APAF1: variants seen among roughly 807,000 people sequenced by gnomAD.
APAF1 encodes the protein apoptotic protease-activating factor 1.
A neutral mutation model predicts 152.4 loss-of-function variants in APAF1; 91 were observed. The observed-to-expected ratio is 0.60, with a 90% CI of 0.50 to 0.71. The LOEUF (loss-of-function observed/expected upper bound fraction) is 0.71. Ranked by LOEUF, APAF1 falls within the 30% of genes least tolerant of loss-of-function variation. The pLI, the probability that APAF1 is intolerant of heterozygous loss-of-function variation, is 0.00. For synonymous variants in APAF1, 484 were observed against 494.1 expected (o/e 0.98, Z 0.27); for missense variants, 1,283 against 1,472.0 (o/e 0.87, Z 2.10).
chr12:98,693,682 C>T lies in APAF1; in HGVS notation c.2305-5726C>T, dbSNP rs181990799. Among the ~76,000 whole-genome samples the T allele has an allele frequency of 5.2e-3, 785 of 152,090 alleles. 4 individuals carry two copies. Among genetic ancestry groups the T allele is most frequent in the Non-Finnish European group, 8.3e-3 (564 of 68,006 alleles). On this transcript the variant is annotated intron_variant, in intron 16 of 26. Transcript: ENST00000551964. ...AGGTTCTATCTTGCTCCATTCTGGTCGGTAATGGTAATACTATTCCCAGAG... is the reference window on the plus strand; with the variant it reads ...AGGTTCTATCTTGCTCCATTCTGGTTGGTAATGGTAATACTATTCCCAGAG...
chr12:98,648,548 A>T (rs1485637238), intron 2 of APAF1, 51 bp downstream of exon 2: 9 of 1,608,756 alleles, frequency 5.6e-6, no homozygotes, highest in African/African-American at 1.3e-5. Context: ...TTAGAATTTC[A>T]GAACTTGTAC....
chr12:98,671,130 ATT>A, intron 11 of APAF1, 44 bp downstream of exon 11: 1 of 1,158,566 alleles, frequency 8.6e-7, no homozygotes, highest in Non-Finnish European at 1.3e-6. Flanking sequence ...AAGGAATCTC[ATT>A]TTTTTTTACA....
intron 24 of APAF1, 139 bp downstream of exon 24, chr12:98,723,903 A>T: frequency 2.2e-6 from 2 of 898,614 alleles, no homozygotes; most frequent in Middle Eastern, 3.2e-4. Flanking sequence ...GAGGATGCCC[A>T]TTGGCATTTA....
Position 98,658,617 on chromosome 12 carries a change from A to G in APAF1, c.527-543A>G, listed in dbSNP as rs150017979. On this transcript the variant is annotated intron_variant, in intron 4 of 26. Coordinates refer to ENST00000551964, the MANE Select transcript of APAF1 (RefSeq NM_181861.2). Reference sequence around the variant, plus strand: ...TTTAAGTCTGTATAAGAAAACCATAATGGGTGAGTTATATGTTCCAGGACA... The same window carrying G: ...TTTAAGTCTGTATAAGAAAACCATAGTGGGTGAGTTATATGTTCCAGGACA... 2.0e-4 allele frequency among the ~76,000 whole-genome samples: 31 copies of G among 152,294 alleles called. 1 individual carries two copies. Among genetic ancestry groups the G allele is most frequent in the Admixed American group, 1.6e-3 (25 of 15,298 alleles).
chr12:98,679,611 T>C (rs553821159), intron 13 of APAF1, among the ~76,000 whole-genome samples: 1 of 152,320 alleles, frequency 6.6e-6, no homozygotes, highest in African/African-American at 2.4e-5. Flanking sequence ...GCTGCGGCCC[T>C]TCGGGGAGCC....
chr12:98,648,458 A>G lies in APAF1; in HGVS notation c.99A>G (p.Gly33=). 6.2e-7 allele frequency: 1 copy of G among 1,614,042 alleles called. No individual in the cohort carries two copies. The highest frequency in any genetic ancestry group is 8.5e-7 in the Non-Finnish European group (1 of 1,179,956). ...SYIMDHMISD[G]FLTISEEEKV... is the part of the protein sequence containing the mutation. The stretch of plus-strand genomic sequence containing the variant: ...TCATGGATCACATGATTAGTGATGG[A>G]TTTTTAACAATATCAGAAGAGGAAA... The change falls in exon 2 of 27, where the codon GGA becomes GGG. Residue 33 remains glycine (G), a synonymous_variant. Coordinates refer to ENST00000551964, the MANE Select transcript of APAF1 (RefSeq NM_181861.2).
chr12:98,659,402 A>G (rs373313449), intron 5 of APAF1, 59 bp downstream of exon 5: 13 of 1,534,630 alleles, frequency 8.5e-6, no homozygotes, highest in African/African-American at 6.8e-5. Context: ...AGATGTAACT[A>G]CTGACCTCTT....
chr12:98,647,918 T>C lies in APAF1; in HGVS notation c.-41-401T>C, dbSNP rs571504783. On this transcript the variant is annotated intron_variant, in intron 1 of 26. Coordinates refer to ENST00000551964, the MANE Select transcript of APAF1 (RefSeq NM_181861.2). The stretch of plus-strand genomic sequence containing the variant: ...ATTCTTTTTTCTTTTTATTTTTTAC[T>C]CTAGCCTCCCAATGTGCTGGGATTA... 1.5e-4 allele frequency among the ~76,000 whole-genome samples: 23 copies of C among 152,192 alleles called. 1 individual carries two copies. The South Asian group carries it at 4.8e-3, about 32-fold the overall frequency.
intron 16 of APAF1, among the ~76,000 whole-genome samples, chr12:98,696,724 G>C (rs965066048): frequency 2.0e-5 from 3 of 152,068 alleles, no homozygotes; most frequent in African/African-American, 7.3e-5. Flanking sequence ...TTGAACTCCT[G>C]GGCTCAAGTG....
At chr12:98,681,461 C>T (rs1340534490) in intron 14 of APAF1, among the ~76,000 whole-genome samples, 1 of 152,108 alleles carries the variant, frequency 6.6e-6, no homozygotes, top group Non-Finnish European at 1.5e-5. Context: ...AAACTGAAGG[C>T]TTGTGGGGGT....
At chr12:98,655,464 C>T (rs1326790161) in intron 4 of APAF1, among the ~76,000 whole-genome samples, 4 of 151,154 alleles carry the variant, frequency 2.6e-5, no homozygotes, top group Non-Finnish European at 5.9e-5. Flanking sequence ...GGGGGCTGAC[C>T]CCCCCACCTC....
rs769264932 is a variant in APAF1 at position 98,677,408 on chromosome 12, T to A, written c.1794-17T>A. ...TCTCATTTATTTAATTTCTGTTCAT[T>A]TTTTCCCTGTATTTAGAAACAAAAA... On this transcript the variant is annotated splice_polypyrimidine_tract_variant and intron_variant, in intron 12 of 26. Transcript: ENST00000551964. The A allele has an allele frequency of 6.2e-7, 1 of 1,613,430 alleles. No homozygotes were observed. Among genetic ancestry groups the A allele is most frequent in the African/African-American group, 1.3e-5 (1 of 75,038 alleles).
chr12:98,685,108 T>C (rs1307719029), intron 15 of APAF1, among the ~76,000 whole-genome samples: 1 of 152,228 alleles, frequency 6.6e-6, no homozygotes, highest in African/African-American at 2.4e-5. Flanking sequence ...TACTAATCAT[T>C]TCTAAATAAT....
At chr12:98,648,897 A>G (rs1454196177) in intron 3 of APAF1, 82 bp downstream of exon 3, 5 of 1,303,046 alleles carry the variant, frequency 3.8e-6, no homozygotes, top group Middle Eastern at 1.8e-4. Flanking sequence ...TCTTTTGAAG[A>G]GAGTGTGACC....
chr12:98,706,729 C>A, intron 19 of APAF1, 119 bp downstream of exon 19: 1 of 1,140,874 alleles, frequency 8.8e-7, no homozygotes, highest in Non-Finnish European at 1.3e-6. Context: ...GTACTATATT[C>A]CTATTCACCC....
At chr12:98,718,439 T>C (rs1329115675) in intron 22 of APAF1, among the ~76,000 whole-genome samples, 1 of 152,074 alleles carries the variant, frequency 6.6e-6, no homozygotes, top group African/African-American at 2.4e-5. Flanking sequence ...TTCACGATGT[T>C]GGCCAGGCTG....
chr12:98,682,342 C>T (rs981816639), intron 14 of APAF1, among the ~76,000 whole-genome samples: 9 of 152,132 alleles, frequency 5.9e-5, no homozygotes, highest in Admixed American at 5.2e-4. Context: ...CGTGAGCCAC[C>T]GCGCCCGGCC....
intron 16 of APAF1, among the ~76,000 whole-genome samples, chr12:98,696,450 G>A (rs1240531327): frequency 6.6e-6 from 1 of 152,174 alleles, no homozygotes; most frequent in African/African-American, 2.4e-5. Context: ...CCACCCCCAT[G>A]ACCCAGACAC....
intron 12 of APAF1, among the ~76,000 whole-genome samples, chr12:98,676,227 A>G (rs1314566983): frequency 6.6e-6 from 1 of 152,050 alleles, no homozygotes; most frequent in Non-Finnish European, 1.5e-5. Flanking sequence ...TTATTTATTT[A>G]TTTAGAAACA....
Sources: allele counts gnomAD v4.1 joint callset (sites outside exome capture counted in the v4.1 genomes callset), GRCh38; gene constraint gnomAD v4.1.1; transcripts MANE v1.5; gene names NCBI Gene and HGNC (gene_info 2026-07-23, HGNC 2026-07-21).